The following REEP3 variants were observed in gnomAD, a reference collection of about 807,000 sequenced individuals.
REEP3 encodes the protein receptor expression-enhancing protein 3.
In REEP3, 20 loss-of-function variants were observed where a neutral mutation model predicts 41.3. That is an observed-to-expected ratio of 0.48 (90% confidence interval 0.34 to 0.70). REEP3 has a LOEUF of 0.70. Among genes scored for constraint, REEP3 ranks in the 30% least tolerant of loss-of-function variants. The probability of loss-of-function intolerance (pLI) is 0.01; values close to 1 mark genes in which losing one functional copy is unlikely to be tolerated. For missense variants in REEP3, 271 were observed against 308.8 expected (o/e 0.88, Z 0.92); for synonymous variants, 104 against 101.8 (o/e 1.02, Z -0.13).
At chr10:63,570,585 A>T (rs1955843584) in intron 2 of REEP3, among the ~76,000 whole-genome samples, 1 of 152,192 alleles carries the variant, frequency 6.6e-6, no homozygotes, top group South Asian at 2.1e-4. Flanking sequence ...TTTCTTAACC[A>T]TCCATTTGAG....
intron 1 of REEP3, among the ~76,000 whole-genome samples, chr10:63,525,500 T>A (rs1955353985): frequency 6.6e-6 from 1 of 152,078 alleles, no homozygotes; most frequent in African/African-American, 2.4e-5. Context: ...CTTACTGCAA[T>A]TTCCGCCTCC....
intron 2 of REEP3, among the ~76,000 whole-genome samples, chr10:63,574,729 T>G (rs1955882625): frequency 1.3e-5 from 2 of 152,140 alleles, no homozygotes; most frequent in African/African-American, 4.8e-5. Flanking sequence ...CCTAGAGTTG[T>G]GTGCATTTCT....
At chr10:63,552,253 A>AG (rs1955635959) in intron 1 of REEP3, among the ~76,000 whole-genome samples, 1 of 151,684 alleles carries the variant, frequency 6.6e-6, no homozygotes, top group African/African-American at 2.4e-5. Context: ...AAATACAAAA[A>AG]AAAAAAAATT....
chr10:63,568,988 G>A (rs569033753), intron 2 of REEP3, among the ~76,000 whole-genome samples: 14 of 152,172 alleles, frequency 9.2e-5, no homozygotes, highest in African/African-American at 2.9e-4. Flanking sequence ...GCTATATTCA[G>A]TAACATGAAA....
At chr10:63,610,419 G>C in intron 6 of REEP3, 85 bp downstream of exon 6, 6 of 1,317,558 alleles carry the variant, frequency 4.6e-6, no homozygotes, top group African/African-American at 1.5e-5. Flanking sequence ...CGGGGGGTGG[G>C]GCACAAGGAG....
chr10:63,535,030 C>T (rs930477479), intron 1 of REEP3, among the ~76,000 whole-genome samples: 2 of 152,066 alleles, frequency 1.3e-5, no homozygotes, highest in Non-Finnish European at 2.9e-5. Context: ...TTTTCTTTTT[C>T]CTTCATTCTC....
intron 1 of REEP3, among the ~76,000 whole-genome samples, chr10:63,557,590 T>G (rs1377581748): frequency 6.6e-6 from 1 of 152,196 alleles, no homozygotes; most frequent in Non-Finnish European, 1.5e-5. Context: ...TTTGACGTGT[T>G]GCAGGGTTGG....
At chr10:63,598,198 G>A in intron 4 of REEP3, 54 bp downstream of exon 4, 1 of 1,329,764 alleles carries the variant, frequency 7.5e-7, no homozygotes, top group Non-Finnish European at 1.0e-6. Flanking sequence ...CCTAAGCGGA[G>A]GCCAGGTGTG....
intron 2 of REEP3, among the ~76,000 whole-genome samples, chr10:63,590,400 A>G (rs1418421552): frequency 6.6e-6 from 1 of 152,212 alleles, no homozygotes; most frequent in Non-Finnish European, 1.5e-5. Context: ...AATTGACTAA[A>G]TTATGTTTTA....
chr10:63,568,731 C>G (rs1955826282), intron 2 of REEP3, among the ~76,000 whole-genome samples: 1 of 145,104 alleles, frequency 6.9e-6, no homozygotes, highest in East Asian at 2.0e-4. Flanking sequence ...TCATAGTTCA[C>G]TGTAGCCTGG....
intron 1 of REEP3, among the ~76,000 whole-genome samples, chr10:63,534,328 G>A (rs61226726): frequency 0.019 from 2,906 of 151,980 alleles, 92 homozygotes; most frequent in African/African-American, 0.065. Context: ...ATAGTTCACT[G>A]TAACCTCAAA....
At chr10:63,591,255 C>T (rs1357251568) in intron 2 of REEP3, among the ~76,000 whole-genome samples, 2 of 151,436 alleles carry the variant, frequency 1.3e-5, no homozygotes, top group Admixed American at 1.3e-4. Flanking sequence ...GGTATAAACT[C>T]CCAACCAAAT....
chr10:63,563,435 G>A (rs1368331156), intron 1 of REEP3, among the ~76,000 whole-genome samples: 2 of 152,272 alleles, frequency 1.3e-5, no homozygotes, highest in South Asian at 2.1e-4. Flanking sequence ...GAATGGGGCA[G>A]GAGATACAGT....
chr10:63,594,819 T>G lies in REEP3; in HGVS notation c.147T>G (p.Thr49=). 6.2e-7 allele frequency: 1 copy of G among 1,612,852 alleles called. No individual in the cohort carries two copies. Among genetic ancestry groups the G allele is most frequent in the Non-Finnish European group, 8.5e-7 (1 of 1,178,854 alleles). ...MMYWIVFALY[T]VIETVADQTV... is the part of the protein sequence containing the mutation. ...ACTGGATTGTTTTTGCTCTCTATAC[T>G]GTGATTGAAACAGTAGCCGATCAAA... Residue 49 remains threonine (T), a synonymous_variant, in exon 3 of 8, where the codon ACT becomes ACG. Coordinates refer to ENST00000373758, the MANE Select transcript of REEP3 (RefSeq NM_001001330.3).
intron 1 of REEP3, 190 bp downstream of exon 1, chr10:63,521,767 C>T: frequency 2.8e-6 from 1 of 351,968 alleles, no homozygotes; most frequent in Non-Finnish European, 5.1e-6. Context: ...GAGCTCCCTG[C>T]GACGGCCGAG....
intron 5 of REEP3, chr10:63,599,679 C>A: frequency 1.0e-6 from 1 of 985,822 alleles, no homozygotes; most frequent in Non-Finnish European, 1.2e-6. Flanking sequence ...GGATTTCTGG[C>A]TTACTTCTGC....
At chr10:63,606,364 T>TCTC (rs66924636) in intron 5 of REEP3, among the ~76,000 whole-genome samples, 208 of 150,466 alleles carry the variant, frequency 1.4e-3, no homozygotes, top group African/African-American at 4.3e-3. Context: ...CTTTCTTTCT[T>TCTC]TGTCTTTCTT....
intron 2 of REEP3, among the ~76,000 whole-genome samples, chr10:63,592,861 C>T (rs978660612): frequency 1.3e-5 from 2 of 152,048 alleles, no homozygotes; most frequent in African/African-American, 2.4e-5. Flanking sequence ...CCACTGCACT[C>T]CACCCTGGGC....
At chr10:63,540,578 T>C (rs918702108) in intron 1 of REEP3, among the ~76,000 whole-genome samples, 1 of 152,184 alleles carries the variant, frequency 6.6e-6, no homozygotes, top group Non-Finnish European at 1.5e-5. Context: ...TTATCTACCA[T>C]AGCAGAAAGA....
Sources: allele counts gnomAD v4.1 joint callset (sites outside exome capture counted in the v4.1 genomes callset), GRCh38; gene constraint gnomAD v4.1.1; transcripts MANE v1.5; gene names NCBI Gene and HGNC (gene_info 2026-07-23, HGNC 2026-07-21).